Variants in KCNQ5 observed in about 807,000 individuals in gnomAD.
KCNQ5 encodes potassium voltage-gated channel subfamily KQT member 5.
In KCNQ5, 30 loss-of-function variants were observed where a neutral mutation model predicts 98.2. The observed-to-expected ratio is 0.31, with a 90% CI of 0.23 to 0.41. KCNQ5 has a LOEUF of 0.41. KCNQ5 is among the 10% of genes least tolerant of loss of function. The pLI is 1.00. For missense variants in KCNQ5, 835 were observed against 1,182.5 expected (o/e 0.71, Z 4.31); for synonymous variants, 458 against 449.4 (o/e 1.02, Z -0.24).
intron 1 of KCNQ5, among the ~76,000 whole-genome samples, chr6:73,003,467 T>G (rs1441937274): frequency 6.6e-6 from 1 of 152,016 alleles, no homozygotes; most frequent in Non-Finnish European, 1.5e-5. Context: ...TAACAACCAA[T>G]TAGGACACTT....
intron 1 of KCNQ5, among the ~76,000 whole-genome samples, chr6:72,926,154 C>T (rs927976337): frequency 3.3e-5 from 5 of 152,066 alleles, no homozygotes; most frequent in Non-Finnish European, 5.9e-5. Context: ...TACCCCTTTG[C>T]CTTCAGGGGT....
At position 73,195,545 on chromosome 6, in the gene KCNQ5, C is replaced by T. The variant is rs552551803; in HGVS notation, c.*131C>T. The T allele has an allele frequency of 2.0e-5, 24 of 1,177,082 alleles. No homozygotes were observed. Among genetic ancestry groups the T allele is most frequent in the South Asian group, 3.0e-5 (2 of 65,934 alleles). 72.9% of individuals were successfully genotyped at this position (1,177,082 alleles called of 1,614,324 possible). On this transcript the variant is annotated 3_prime_UTR_variant, in exon 14 of 14. Transcript: ENST00000370398. Reference sequence around the variant, plus strand: ...GAACATGAAAGGCAGTTTATAAGCCCGTTACCTTTTAATTGCATGAAAATG... The same window carrying T: ...GAACATGAAAGGCAGTTTATAAGCCTGTTACCTTTTAATTGCATGAAAATG...
intron 1 of KCNQ5, chr6:72,806,761 A>G: frequency 4.5e-6 from 2 of 447,322 alleles, no homozygotes; most frequent in Non-Finnish European, 8.9e-6. Flanking sequence ...TCCCATTCCT[A>G]CTTCCTCAAG....
chr6:73,197,852 C>T lies in KCNQ5; in HGVS notation c.*2438C>T, dbSNP rs1765854250. 1 of 152,304 alleles carries T rather than the reference C, an allele frequency of 6.6e-6. No homozygotes were observed. The highest frequency in any genetic ancestry group is 1.5e-5 in the Non-Finnish European group (1 of 68,104). 9.4% of individuals were successfully genotyped at this position (152,304 alleles called of 1,614,324 possible). On this transcript the variant is annotated 3_prime_UTR_variant, in exon 14 of 14. Transcript: ENST00000370398. ...GTTAAGTCTCAAACACAGTACAGCT[C>T]ACCCAGCATTGCTGACGACTGAAGA...
intron 10 of KCNQ5, among the ~76,000 whole-genome samples, chr6:73,140,189 T>C (rs1000926515): frequency 6.6e-6 from 1 of 151,968 alleles, no homozygotes; most frequent in African/African-American, 2.4e-5. Context: ...TCACAGACTA[T>C]CAGTATTTTC....
intron 1 of KCNQ5, among the ~76,000 whole-genome samples, chr6:72,680,036 C>T (rs1166422958): frequency 1.3e-5 from 2 of 152,038 alleles, no homozygotes; most frequent in Non-Finnish European, 2.9e-5. Context: ...GAGCAAGGCT[C>T]CATCTCAAAA....
At chr6:73,037,635 CT>C (rs1465040992) in intron 2 of KCNQ5, among the ~76,000 whole-genome samples, 1 of 152,072 alleles carries the variant, frequency 6.6e-6, no homozygotes, top group Admixed American at 6.5e-5. Flanking sequence ...CATTGAAATG[CT>C]TTTGCACCTT....
chr6:72,870,499 C>T (rs1288872455), intron 1 of KCNQ5, among the ~76,000 whole-genome samples: 1 of 152,084 alleles, frequency 6.6e-6, no homozygotes, highest in Non-Finnish European at 1.5e-5. Flanking sequence ...GATCGGCCTG[C>T]CTCAGCCTCT....
chr6:73,154,900 A>G (rs184690964), intron 10 of KCNQ5, among the ~76,000 whole-genome samples: 1 of 152,312 alleles, frequency 6.6e-6, no homozygotes, highest in East Asian at 1.9e-4. Context: ...AACAAAACAA[A>G]AAAATTAACC....
chr6:72,787,026 A>G (rs867815159), intron 1 of KCNQ5, among the ~76,000 whole-genome samples: 71 of 149,154 alleles, frequency 4.8e-4, no homozygotes, highest in Non-Finnish European at 5.6e-4. Context: ...AAAAAAAAAA[A>G]AAAGAAATGA....
At chr6:72,823,340 G>C (rs1362857932) in intron 1 of KCNQ5, among the ~76,000 whole-genome samples, 1 of 151,974 alleles carries the variant, frequency 6.6e-6, no homozygotes, top group Non-Finnish European at 1.5e-5. Flanking sequence ...ATTGTGGTTT[G>C]CTGACTTCTT....
chr6:72,729,223 G>A (rs925136638), intron 1 of KCNQ5, among the ~76,000 whole-genome samples: 7 of 152,144 alleles, frequency 4.6e-5, no homozygotes, highest in African/African-American at 1.7e-4. Flanking sequence ...TTGTACGTGT[G>A]TCTTTTCACA....
intron 10 of KCNQ5, chr6:73,143,410 A>G (rs916029156): frequency 2.0e-5 from 3 of 152,162 alleles, no homozygotes; most frequent in Non-Finnish European, 4.4e-5. Flanking sequence ...GCCAGGAGTG[A>G]GTTTTCTGTC....
intron 1 of KCNQ5, among the ~76,000 whole-genome samples, chr6:72,961,544 C>G (rs1767351368): frequency 6.7e-6 from 1 of 150,372 alleles, no homozygotes; most frequent in Admixed American, 6.6e-5. Flanking sequence ...ATGGCGTGAA[C>G]CCGGGAGGCG....
At chr6:72,955,543 A>T (rs934397707) in intron 1 of KCNQ5, among the ~76,000 whole-genome samples, 5 of 152,212 alleles carry the variant, frequency 3.3e-5, no homozygotes, top group South Asian at 2.1e-4. Flanking sequence ...GCCTCTAATT[A>T]AAAAAGAAGA....
chr6:72,626,734 T>C (rs1239670942), intron 1 of KCNQ5, among the ~76,000 whole-genome samples: 1 of 152,232 alleles, frequency 6.6e-6, no homozygotes, highest in Non-Finnish European at 1.5e-5. Flanking sequence ...GAAATGTCTG[T>C]TGACTATCGA....
chr6:73,173,892 C>T (rs1388850565), intron 11 of KCNQ5, among the ~76,000 whole-genome samples: 1 of 151,826 alleles, frequency 6.6e-6, no homozygotes, highest in Non-Finnish European at 1.5e-5. Flanking sequence ...TTAAATATAA[C>T]AGAAATTGTA....
intron 1 of KCNQ5, among the ~76,000 whole-genome samples, chr6:72,778,969 G>A (rs1260712334): frequency 6.6e-6 from 1 of 152,224 alleles, no homozygotes; most frequent in Non-Finnish European, 1.5e-5. Context: ...CTTTAGTGAA[G>A]TGATTTCACT....
chr6:72,858,250 T>C (rs1447667543), intron 1 of KCNQ5, among the ~76,000 whole-genome samples: 1 of 152,184 alleles, frequency 6.6e-6, no homozygotes, highest in Non-Finnish European at 1.5e-5. Context: ...TGCTGAGCTA[T>C]GCTTTAAAAT....
Sources: gnomAD v4.1 joint callset for allele counts (sites outside exome capture counted in the v4.1 genomes callset) on GRCh38, gnomAD v4.1.1 for gene constraint, MANE v1.5 for transcripts, NCBI Gene and HGNC (gene_info 2026-07-23, HGNC 2026-07-21) for gene names.